The following ZNF438 variants were observed in gnomAD, a reference collection of about 807,000 sequenced individuals.
The protein encoded by ZNF438 is zinc finger protein 438.
Under a neutral mutation model 38.0 loss-of-function variants are expected in ZNF438, and 25 were observed. The observed-to-expected ratio is 0.66, with a 90% CI of 0.48 to 0.92. The LOEUF is 0.92. ZNF438 is among the 40% of genes least tolerant of loss of function. ZNF438 has a pLI of 0.00. For missense variants in ZNF438, 1,007 were observed against 999.6 expected (o/e 1.01, Z -0.10); for synonymous variants, 372 against 364.1 (o/e 1.02, Z -0.25).
At chr10:31,025,029 C>T (rs1465244245) in intron 1 of ZNF438, among the ~76,000 whole-genome samples, 1 of 152,160 alleles carries the variant, frequency 6.6e-6, no homozygotes, top group East Asian at 1.9e-4. Flanking sequence ...TTATTAGCTC[C>T]AAGAATTATT....
chr10:31,005,173 G>C (rs758707076), intron 1 of ZNF438, among the ~76,000 whole-genome samples: 1 of 152,156 alleles, frequency 6.6e-6, no homozygotes, highest in Non-Finnish European at 1.5e-5. Context: ...GTTCACTGTA[G>C]CATGAGCCAA....
At chr10:30,967,988 G>A (rs1390825455) in intron 1 of ZNF438, among the ~76,000 whole-genome samples, 2 of 152,082 alleles carry the variant, frequency 1.3e-5, no homozygotes, top group Non-Finnish European at 2.9e-5. Context: ...GAGCAGAGAG[G>A]GATGGAGAAA....
At position 30,975,232 on chromosome 10, in the gene ZNF438, A is replaced by C. The variant is rs570675449; in HGVS notation, c.-191-33581T>G. 2.0e-5 allele frequency among the ~76,000 whole-genome samples: 3 copies of C among 152,258 alleles called. No homozygotes were observed. The South Asian group carries it at 6.2e-4, about 32-fold the overall frequency. On this transcript the variant is annotated intron_variant, in intron 1 of 5. Transcript: ENST00000413025. Reference sequence around the variant, plus strand: ...GACCCTGCTTCCCTAAATGGTCCTCAAGCATGTTCTGAAAAAAACTAGGAA... The same window carrying C: ...GACCCTGCTTCCCTAAATGGTCCTCCAGCATGTTCTGAAAAAAACTAGGAA...
At chr10:30,920,864 T>C (rs982682875) in intron 2 of ZNF438, 2 of 152,224 alleles carry the variant, frequency 1.3e-5, no homozygotes, top group African/African-American at 4.8e-5. Flanking sequence ...CTTTCTCAGA[T>C]GGCTTCTCAA....
chr10:30,912,563 T>C (rs1263489025), intron 2 of ZNF438, among the ~76,000 whole-genome samples: 3 of 152,072 alleles, frequency 2.0e-5, no homozygotes, highest in African/African-American at 7.2e-5. Context: ...AGACCCCTTC[T>C]ATGAGCTCCA....
chr10:30,999,739 T>C lies in ZNF438; in HGVS notation c.-192+32094A>G, dbSNP rs186150431. Among the ~76,000 whole-genome samples the C allele has an allele frequency of 2.5e-3, 376 of 152,318 alleles. 1 individual carries two copies. Among genetic ancestry groups the C allele is most frequent in the African/African-American group, 8.5e-3 (353 of 41,578 alleles). ...ACACATATTTATTTATATGAATGAT[T>C]TCTCATAAGATACTTTAATCGTTTT... On this transcript the variant is annotated intron_variant, in intron 1 of 5. Transcript: ENST00000413025.
At chr10:30,919,066 G>A (rs1340281587) in intron 2 of ZNF438, 2 of 152,196 alleles carry the variant, frequency 1.3e-5, no homozygotes, top group African/African-American at 4.8e-5. Flanking sequence ...CAGAGACTCT[G>A]AGGATTCCTA....
intron 3 of ZNF438, 25 bp from the exon 5 acceptor site, chr10:30,877,090 G>A: frequency 3.5e-6 from 5 of 1,418,164 alleles, no homozygotes; most frequent in Non-Finnish European, 3.9e-6. Flanking sequence ...GCACAAATAA[G>A]TATTAGAAAG....
At chr10:31,021,013 T>A (rs2056552740) in intron 1 of ZNF438, among the ~76,000 whole-genome samples, 1 of 151,130 alleles carries the variant, frequency 6.6e-6, no homozygotes, top group South Asian at 2.1e-4. Flanking sequence ...AAGCTGTAGA[T>A]TAAGGAAGGA....
chr10:30,943,859 AAAACAAACAAACAAACAAAC>A (rs10522911), intron 1 of ZNF438, among the ~76,000 whole-genome samples: 2 of 150,602 alleles, frequency 1.3e-5, no homozygotes, highest in African/African-American at 4.9e-5. Context: ...TTGAGATGGT[AAAACAAACAAACAAACAAAC>A]AAACAAACAA....
At chr10:30,937,665 T>C (rs1475263792) in intron 2 of ZNF438, among the ~76,000 whole-genome samples, 1 of 152,212 alleles carries the variant, frequency 6.6e-6, no homozygotes, top group Admixed American at 6.5e-5. Flanking sequence ...ATAATCAGTT[T>C]ATAAAACAGA....
At chr10:30,969,281 C>T (rs2050485253) in intron 1 of ZNF438, among the ~76,000 whole-genome samples, 1 of 152,054 alleles carries the variant, frequency 6.6e-6, no homozygotes, top group Admixed American at 6.5e-5. Flanking sequence ...GGCAAAGTGC[C>T]CCCTCCAAAG....
intron 1 of ZNF438, among the ~76,000 whole-genome samples, chr10:30,983,526 C>T (rs1039625363): frequency 1.3e-5 from 2 of 152,140 alleles, no homozygotes; most frequent in African/African-American, 4.8e-5. Flanking sequence ...CCTCATGATC[C>T]AATCACCTCC....
At chr10:31,026,352 G>A (rs374342856) in intron 1 of ZNF438, among the ~76,000 whole-genome samples, 105 of 151,902 alleles carry the variant, frequency 6.9e-4, no homozygotes, top group African/African-American at 2.2e-3. Flanking sequence ...CTGACAAAGG[G>A]CTAATATCCA....
At chr10:30,893,306 G>A (rs961302695) in intron 3 of ZNF438, among the ~76,000 whole-genome samples, 3 of 152,128 alleles carry the variant, frequency 2.0e-5, no homozygotes, top group Non-Finnish European at 4.4e-5. Context: ...CCATCTCCAG[G>A]ACTTAGAAGG....
chr10:30,913,932 C>T (rs1046956992), intron 2 of ZNF438, among the ~76,000 whole-genome samples: 1 of 152,072 alleles, frequency 6.6e-6, no homozygotes, highest in Non-Finnish European at 1.5e-5. Context: ...AAGCCATAGA[C>T]AAATCCAATC....
intron 4 of ZNF438, among the ~76,000 whole-genome samples, chr10:30,864,827 C>G (rs1234622663): frequency 6.6e-6 from 1 of 152,152 alleles, no homozygotes; most frequent in Non-Finnish European, 1.5e-5. Flanking sequence ...TCCCTCGAAC[C>G]CCTAGAATCC....
At chr10:30,891,921 G>A (rs1164128853) in intron 3 of ZNF438, among the ~76,000 whole-genome samples, 1 of 152,190 alleles carries the variant, frequency 6.6e-6, no homozygotes, top group African/African-American at 2.4e-5. Flanking sequence ...ATTCAGGCCA[G>A]TGAAGTTACC....
At chr10:30,925,207 G>GACTT (rs2044775699) in intron 2 of ZNF438, among the ~76,000 whole-genome samples, 1 of 143,460 alleles carries the variant, frequency 7.0e-6, no homozygotes, top group African/African-American at 2.6e-5. Context: ...CCCCGACCCT[G>GACTT]ACTTACTCTG....
Sources: allele counts gnomAD v4.1 joint callset (sites outside exome capture counted in the v4.1 genomes callset), GRCh38; gene constraint gnomAD v4.1.1; transcripts MANE v1.5; gene names NCBI Gene and HGNC (gene_info 2026-07-23, HGNC 2026-07-21).